Variants in RFT1 observed in about 807,000 individuals in gnomAD.
RFT1 encodes RFT1 glycolipid translocator homolog, also known as man(5)GlcNAc(2)-PP-dolichol translocation protein RFT1.
In RFT1, 43 loss-of-function variants were observed where a neutral mutation model predicts 62.2. The ratio of observed to expected loss-of-function variants is 0.69; its 90% confidence interval spans 0.54 to 0.89. The LOEUF (loss-of-function observed/expected upper bound fraction) is 0.89, where lower values mean the gene tolerates loss of function less well. Among genes scored for constraint, RFT1 ranks in the 40% least tolerant of loss-of-function variants. The pLI, the probability that RFT1 is intolerant of heterozygous loss-of-function variation, is 0.00. For missense variants in RFT1, 605 were observed against 649.9 expected, an observed-to-expected ratio of 0.93 and a Z score of 0.75; for synonymous variants, 262 against 264.6, an observed-to-expected ratio of 0.99 and a Z score of 0.10.
intron 7 of RFT1, among the ~76,000 whole-genome samples, chr3:53,108,558 T>C (rs1167726983): frequency 6.6e-6 from 1 of 150,928 alleles, no homozygotes; most frequent in Non-Finnish European, 1.5e-5. Flanking sequence ...CCAGCTAATG[T>C]TTTTTTTTAT....
chr3:53,081,265 T>C, the RFT1 span, among the ~76,000 whole-genome samples: 1 of 152,170 alleles, frequency 6.6e-6, no homozygotes, highest in Non-Finnish European at 1.5e-5. Flanking sequence ...CATTAAATCA[T>C]GAGTATTTAT....
chr3:53,103,774 T>G (rs1701382388), intron 10 of RFT1, 179 bp downstream of exon 10: 4 of 767,548 alleles, frequency 5.2e-6, no homozygotes, highest in Admixed American at 2.1e-5. Context: ...CGCCCCTGCC[T>G]ATACCTTGAG....
intron 3 of RFT1, 91 bp from the exon 4 acceptor site, chr3:53,122,654 T>A (rs900922645): frequency 3.8e-6 from 3 of 796,316 alleles, no homozygotes; most frequent in Non-Finnish European, 5.3e-6. Context: ...AAAATAGTTA[T>A]AATACAAACA....
chr3:53,130,401 A>G lies in RFT1; in HGVS notation c.-1T>C, dbSNP rs886058729. 21 of 1,553,002 alleles carry G rather than the reference A, an allele frequency of 1.4e-5. No homozygotes were observed. Among genetic ancestry groups the G allele is most frequent in the Non-Finnish European group, 1.7e-5 (20 of 1,148,366 alleles). ...GGCCCAGCACCTCCTGGCTGCCCAT[A>G]GCCTCCGCGCCAGGCTCAGACACCA... On this transcript the variant is annotated 5_prime_UTR_variant, in exon 1 of 13. Coordinates refer to ENST00000296292, the MANE Select transcript of RFT1 (RefSeq NM_052859.4).
At chr3:53,070,266 C>G in the RFT1 span, among the ~76,000 whole-genome samples, 1 of 152,010 alleles carries the variant, frequency 6.6e-6, no homozygotes, top group African/African-American at 2.4e-5. Flanking sequence ...AAAATCAAAA[C>G]AGGCTGGGTG....
At chr3:53,095,223 A>C (rs1431950504) in intron 11 of RFT1, among the ~76,000 whole-genome samples, 14 of 152,136 alleles carry the variant, frequency 9.2e-5, no homozygotes, top group Admixed American at 2.0e-4. Context: ...AGATCACGCC[A>C]CTGTACTCCA....
At chr3:53,104,239 G>GT in intron 9 of RFT1, 142 bp from the exon 10 acceptor site, 1 of 820,434 alleles carries the variant, frequency 1.2e-6, no homozygotes, top group East Asian at 2.7e-5. Flanking sequence ...TTTTTGTAGT[G>GT]TGTTTGTTTT....
the RFT1 span, among the ~76,000 whole-genome samples, chr3:53,073,013 C>G: frequency 1.6e-4 from 24 of 152,244 alleles, no homozygotes; most frequent in African/African-American, 5.8e-4. Context: ...ATCTTCATCT[C>G]CGAGCACCTT....
At chr3:53,104,237 G>C (rs1701401054) in intron 9 of RFT1, 140 bp from the exon 10 acceptor site, 1 of 891,398 alleles carries the variant, frequency 1.1e-6, no homozygotes, top group East Asian at 2.7e-5. Flanking sequence ...TTTTTTTGTA[G>C]TGTGTTTGTT....
chr3:53,078,228 T>C, the RFT1 span: 1 of 152,152 alleles, frequency 6.6e-6, no homozygotes, highest in African/African-American at 2.4e-5. Context: ...TGGCATATTA[T>C]AGTAAAAAAG....
chr3:53,105,831 A>G (rs771868516), intron 8 of RFT1, 28 bp from the exon 9 acceptor site: 8 of 1,587,748 alleles, frequency 5.0e-6, no homozygotes, highest in Non-Finnish European at 6.9e-6. Context: ...AGAAACAACA[A>G]TCATGTTGGT....
At chr3:53,103,898 C>G in intron 10 of RFT1, 55 bp downstream of exon 10, 9 of 1,606,472 alleles carry the variant, frequency 5.6e-6, no homozygotes, top group Non-Finnish European at 7.7e-6. Flanking sequence ...AATTTCGTGA[C>G]TCTTCTATTT....
Position 53,105,670 on chromosome 3 carries a change from T to A in RFT1, c.957+3A>T. ...TGAGAGATGACATAAGAACCAACAT[T>A]ACCTGCTTCTGAAGTGTGGCATCCT... On this transcript the variant is annotated splice_donor_region_variant and intron_variant, in intron 9 of 12. Coordinates refer to ENST00000296292, the MANE Select transcript of RFT1 (RefSeq NM_052859.4). The A allele has an allele frequency of 6.2e-7, 1 of 1,613,186 alleles. No individual in the cohort carries two copies. The highest frequency in any genetic ancestry group is 1.1e-5 in the South Asian group (1 of 91,060).
chr3:53,121,536 A>G (rs1256271642), intron 5 of RFT1, among the ~76,000 whole-genome samples, 163 bp downstream of exon 5: 1 of 152,190 alleles, frequency 6.6e-6, no homozygotes, highest in Non-Finnish European at 1.5e-5. Context: ...AACACAATGG[A>G]CCTGGCAGCT....
chr3:53,078,448 T>C, the RFT1 span, among the ~76,000 whole-genome samples: 1 of 152,116 alleles, frequency 6.6e-6, no homozygotes, highest in African/African-American at 2.4e-5. Flanking sequence ...TAACACATGG[T>C]ATAGAATATT....
intron 8 of RFT1, among the ~76,000 whole-genome samples, chr3:53,106,382 G>A (rs1701475314): frequency 6.6e-6 from 1 of 152,150 alleles, no homozygotes; most frequent in Non-Finnish European, 1.5e-5. Context: ...GATACAGAAT[G>A]CTTCCATCAA....
At chr3:53,119,590 TG>T (rs1227195575) in intron 6 of RFT1, among the ~76,000 whole-genome samples, 3 of 152,176 alleles carry the variant, frequency 2.0e-5, no homozygotes, top group Admixed American at 1.3e-4. Context: ...GGAGACATTT[TG>T]GGGTGCTCCA....
In RFT1 at chr3:53,091,833, A is replaced by G. The variant is rs1700997042; in HGVS notation, c.*70T>C. ...AGAGCCCTCAGTGGGGCTCTTACAC[A>G]GAATGTGTTCCACCCACAGAACTAC... is the stretch of plus-strand genomic sequence containing the variant. On this transcript the variant is annotated 3_prime_UTR_variant, in exon 13 of 13. Coordinates refer to ENST00000296292, the MANE Select transcript of RFT1 (RefSeq NM_052859.4). The G allele has an allele frequency of 6.5e-7, 1 of 1,547,884 alleles. No homozygotes were observed. Among genetic ancestry groups the G allele is most frequent in the Non-Finnish European group, 8.9e-7 (1 of 1,122,122 alleles).
chr3:53,095,766 G>A (rs921457893), intron 11 of RFT1, among the ~76,000 whole-genome samples: 1 of 150,678 alleles, frequency 6.6e-6, no homozygotes, highest in Non-Finnish European at 1.5e-5. Context: ...GATATCAACT[G>A]TAGCACCACC....
Sources: allele counts gnomAD v4.1 joint callset (sites outside exome capture counted in the v4.1 genomes callset), GRCh38; gene constraint gnomAD v4.1.1; transcripts MANE v1.5; gene names NCBI Gene and HGNC (gene_info 2026-07-23, HGNC 2026-07-21).